TOGARAM2: variants seen among roughly 807,000 people sequenced by gnomAD.
The protein encoded by TOGARAM2 is TOG array regulator of axonemal microtubules protein 2.
A neutral mutation model predicts 93.3 loss-of-function variants in TOGARAM2; 85 were observed. The observed-to-expected ratio is 0.91, with a 90% CI of 0.76 to 1.09. TOGARAM2 has a LOEUF of 1.09. Among genes scored for constraint, TOGARAM2 ranks in the 50% least tolerant of loss-of-function variants. The pLI, the probability that TOGARAM2 is intolerant of heterozygous loss-of-function variation, is 0.00. For synonymous variants in TOGARAM2, 593 were observed against 552.8 expected (o/e 1.07, Z -1.02); for missense variants, 1,277 against 1,334.5 (o/e 0.96, Z 0.67).
intron 1 of TOGARAM2, among the ~76,000 whole-genome samples, chr2:28,965,031 T>C (rs1671849502): frequency 2.0e-5 from 3 of 152,214 alleles, no homozygotes; most frequent in South Asian, 4.1e-4. Flanking sequence ...GGTCCAATGG[T>C]ATTTCCGGTT....
intron 18 of TOGARAM2, among the ~76,000 whole-genome samples, chr2:29,037,740 A>T (rs1311565993): frequency 6.6e-6 from 1 of 151,918 alleles, no homozygotes; most frequent in East Asian, 1.9e-4. Context: ...GTCAATTTCC[A>T]CTCTTCATCT....
At chr2:29,042,664 C>T (rs80265955) in intron 18 of TOGARAM2, among the ~76,000 whole-genome samples, 5,392 of 152,286 alleles carry the variant, frequency 0.035, 234 homozygotes, top group African/African-American at 0.1. Context: ...CACACAGCTG[C>T]GCCGGCTCTC....
chr2:29,009,933 C>A (rs1261231378), intron 6 of TOGARAM2, among the ~76,000 whole-genome samples: 1 of 151,928 alleles, frequency 6.6e-6, no homozygotes, highest in Non-Finnish European at 1.5e-5. Flanking sequence ...GCTGTGGGGT[C>A]GCTAGAGAAG....
At position 29,035,546 on chromosome 2, in the gene TOGARAM2, C is replaced by A; in HGVS notation, c.2308C>A (p.Leu770Met). Residue 770 changes from leucine (L) to methionine (M), a missense_variant, in exon 17 of 20, where the codon CTG becomes ATG. Transcript: ENST00000379558. ...GGAGATGGTGGAGCAGCTACGGGAG[C>A]TGACACGGCTGCTGGAGGCCAAGGA... is the stretch of plus-strand genomic sequence containing the variant. ...RGEMVEQLRE[L>M]TRLLEAKDFR... The A allele has an allele frequency of 6.3e-7, 1 of 1,580,748 alleles. No homozygotes were observed. The highest frequency in any genetic ancestry group is 8.6e-7 in the Non-Finnish European group (1 of 1,163,492).
rs1052803314 is a variant in TOGARAM2, at chr2:29,047,351, TG to T, written c.2722+1944del. 3.6e-4 allele frequency: 55 copies of T among 152,284 alleles called. 2 individuals carry two copies. The highest frequency in any genetic ancestry group is 3.5e-3 in the Admixed American group (54 of 15,302). The allele number at this position is 152,284 out of a possible 1,614,324, so 9.4% of individuals were successfully genotyped here. On this transcript the variant is annotated intron_variant, in intron 19 of 19. Coordinates refer to ENST00000379558, the MANE Select transcript of TOGARAM2 (RefSeq NM_199280.4). ...CTGGGTAATTTACGGGGCCCAGAGG[TG>T]GGCAAGTATCTTCACCTTATCCACT...
intron 13 of TOGARAM2, among the ~76,000 whole-genome samples, chr2:29,025,650 G>T (rs1168694576): frequency 6.6e-6 from 1 of 152,198 alleles, no homozygotes; most frequent in African/African-American, 2.4e-5. Flanking sequence ...GGAGAGTTCT[G>T]ATGTCCCCCA....
chr2:28,992,946 G>C (rs1327489466), intron 1 of TOGARAM2, among the ~76,000 whole-genome samples: 1 of 152,052 alleles, frequency 6.6e-6, no homozygotes, highest in Non-Finnish European at 1.5e-5. Context: ...TGTAATCCCA[G>C]CTACTTGGGA....
intron 1 of TOGARAM2, among the ~76,000 whole-genome samples, chr2:28,990,581 G>A (rs538755159): frequency 9.2e-5 from 14 of 152,114 alleles, no homozygotes; most frequent in Admixed American, 3.9e-4. Flanking sequence ...CTTCCTACCC[G>A]TTTAGACCCC....
At chr2:29,014,247 C>T (rs1664417246) in intron 7 of TOGARAM2, 148 bp from the exon 8 acceptor site, 1 of 916,366 alleles carries the variant, frequency 1.1e-6, no homozygotes, top group Non-Finnish European at 1.6e-6. Flanking sequence ...CAGTGCTGCC[C>T]TGTACAGTAA....
intron 10 of TOGARAM2, among the ~76,000 whole-genome samples, chr2:29,021,936 G>A (rs556040441): frequency 2.0e-5 from 3 of 152,316 alleles, no homozygotes; most frequent in Non-Finnish European, 2.9e-5. Context: ...AAGGGGAAAA[G>A]TCAGCCAAAG....
At chr2:29,001,287 A>C (rs1673282037) in intron 4 of TOGARAM2, among the ~76,000 whole-genome samples, 1 of 152,142 alleles carries the variant, frequency 6.6e-6, no homozygotes, top group Non-Finnish European at 1.5e-5. Flanking sequence ...GGAAGCCAGG[A>C]GGGGAGCGAG....
Position 29,026,929 on chromosome 2 carries a change from C to T in TOGARAM2, c.1930C>T (p.Leu644Phe). The change falls in exon 14 of 20, where the codon CTT becomes TTT. Residue 644 changes from leucine to phenylalanine, a missense_variant. Physicochemically the swap from Leu to Phe is conservative, Grantham distance 22. Coordinates refer to ENST00000379558, the MANE Select transcript of TOGARAM2 (RefSeq NM_199280.4). ...GCTGGAGCAGATCGGCGCTGAGAAG[C>T]TTCTCTCGGGCACCAGAGACAGCAC... ...AVLEQIGAEK[L>F]LSGTRDSTDM... The T allele has an allele frequency of 6.3e-7, 1 of 1,581,336 alleles. No individual in the cohort carries two copies. The highest frequency in any genetic ancestry group is 8.6e-7 in the Non-Finnish European group (1 of 1,163,538).
chr2:29,026,894 T>C lies in TOGARAM2; in HGVS notation c.1895T>C (p.Leu632Pro), dbSNP rs1190044550. Reference sequence around the variant, plus strand: ...ATCCGGAAATACGCGGCTGAGCACCTCTCAGCTGTGCTGGAGCAGATCGGC... The same window carrying C: ...ATCCGGAAATACGCGGCTGAGCACCCCTCAGCTGTGCTGGAGCAGATCGGC... ...PLIRKYAAEHLSAVLEQIGAE... is the reference protein window; with the variant it reads ...PLIRKYAAEHPSAVLEQIGAE... Residue 632 changes from leucine (L) to proline (P), a missense_variant, in exon 14 of 20, where the codon CTC becomes CCC. Leu to Pro is a moderately conservative substitution (Grantham distance 98, BLOSUM62 -3). Coordinates refer to ENST00000379558, the MANE Select transcript of TOGARAM2 (RefSeq NM_199280.4). 2 of 1,593,424 alleles carry C rather than the reference T, an allele frequency of 1.3e-6. No homozygotes were observed. The highest frequency in any genetic ancestry group is 1.7e-6 in the Non-Finnish European group (2 of 1,170,122).
chr2:29,013,756 G>A (rs1664392107), intron 7 of TOGARAM2, among the ~76,000 whole-genome samples: 1 of 152,186 alleles, frequency 6.6e-6, no homozygotes, highest in Non-Finnish European at 1.5e-5. Context: ...CCACACTGAG[G>A]ATGGGTCCTC....
chr2:28,982,748 T>C (rs141993573), intron 1 of TOGARAM2, among the ~76,000 whole-genome samples: 13 of 152,272 alleles, frequency 8.5e-5, no homozygotes, highest in Non-Finnish European at 1.0e-4. Context: ...GGAAGTTTAT[T>C]ATTGCAGACA....
intron 18 of TOGARAM2, among the ~76,000 whole-genome samples, chr2:29,044,914 A>G (rs776905616): frequency 1.3e-5 from 2 of 151,844 alleles, no homozygotes; most frequent in Non-Finnish European, 2.9e-5. Context: ...ATATCCATCC[A>G]TCCATCTCTA....
chr2:29,028,635 C>G (rs1417552388), intron 14 of TOGARAM2, among the ~76,000 whole-genome samples: 1 of 151,818 alleles, frequency 6.6e-6, no homozygotes, highest in African/African-American at 2.4e-5. Context: ...AAAAAAAAAG[C>G]CTCTCTGGCT....
intron 1 of TOGARAM2, among the ~76,000 whole-genome samples, chr2:28,983,519 T>C (rs1459946449): frequency 6.6e-6 from 1 of 152,116 alleles, no homozygotes; most frequent in Non-Finnish European, 1.5e-5. Flanking sequence ...TGTAATATTC[T>C]ATGTTGTGAG....
At chr2:29,013,408 T>C (rs901808183) in intron 7 of TOGARAM2, among the ~76,000 whole-genome samples, 12 of 152,052 alleles carry the variant, frequency 7.9e-5, no homozygotes, top group Admixed American at 7.2e-4. Context: ...GATTACAAGG[T>C]GAAGTCCCAC....
Sources: allele counts gnomAD v4.1 joint callset (sites outside exome capture counted in the v4.1 genomes callset), GRCh38; gene constraint gnomAD v4.1.1; transcripts MANE v1.5; gene names NCBI Gene and HGNC (gene_info 2026-07-23, HGNC 2026-07-21).